RBFOX1: variants seen among roughly 807,000 people sequenced by gnomAD.
RBFOX1 encodes the protein RNA binding fox-1 homolog 1, also known as RNA binding protein fox-1 homolog 1.
In RBFOX1, 8 loss-of-function variants were observed where a neutral mutation model predicts 57.7. That is an observed-to-expected ratio of 0.14 (90% CI 0.08 to 0.25). The LOEUF (loss-of-function observed/expected upper bound fraction) is 0.25, where lower values mean the gene tolerates loss of function less well. Among genes scored for constraint, RBFOX1 ranks in the 10% least tolerant of loss-of-function variants. The pLI is 1.00. For synonymous variants in RBFOX1, 326 were observed against 222.4 expected, an observed-to-expected ratio of 1.47 and a Z score of -4.15; for missense variants, 611 against 548.5, an observed-to-expected ratio of 1.11 and a Z score of -1.14.
chr16:6,737,728 C>A (rs1217850556), intron 3 of RBFOX1, among the ~76,000 whole-genome samples: 1 of 152,056 alleles, frequency 6.6e-6, no homozygotes, highest in Admixed American at 6.6e-5. Flanking sequence ...TGTCTAGGTA[C>A]ACAAATGATA....
At chr16:5,721,189 G>A (rs902169804) in intron 3 of RBFOX1, among the ~76,000 whole-genome samples, 3 of 152,024 alleles carry the variant, frequency 2.0e-5, no homozygotes, top group African/African-American at 7.2e-5. Flanking sequence ...TTATTTTAAA[G>A]TTTAAGTTTA....
At chr16:7,237,143 A>C (rs544762311) in intron 4 of RBFOX1, among the ~76,000 whole-genome samples, 27 of 152,284 alleles carry the variant, frequency 1.8e-4, no homozygotes, top group African/African-American at 4.3e-4. Flanking sequence ...CGCCAACCCA[A>C]ATGTCATTGG....
intron 3 of RBFOX1, among the ~76,000 whole-genome samples, chr16:6,735,980 G>T (rs56408879): frequency 1 from 151,678 of 151,684 alleles, 75,836 homozygotes; most frequent in Middle Eastern, 1. Flanking sequence ...CTTCCCTACT[G>T]GGCCTGCTCA....
At chr16:5,549,141 C>T (rs192411850) in intron 2 of RBFOX1, among the ~76,000 whole-genome samples, 1 of 152,274 alleles carries the variant, frequency 6.6e-6, no homozygotes, top group Non-Finnish European at 1.5e-5. Context: ...CTTGCTTCCT[C>T]CCCTGCCTGA....
chr16:6,782,809 A>T, intron 3 of RBFOX1, among the ~76,000 whole-genome samples: 1 of 152,176 alleles, frequency 6.6e-6, no homozygotes, highest in African/African-American at 2.4e-5. Context: ...TTTTTGTCCA[A>T]TGCTGAAAGT....
At chr16:5,821,900 A>G (rs894546416) in intron 3 of RBFOX1, among the ~76,000 whole-genome samples, 2 of 152,212 alleles carry the variant, frequency 1.3e-5, no homozygotes, top group South Asian at 2.1e-4. Flanking sequence ...CGGAGCCTTC[A>G]TGGCCTGATC....
intron 2 of RBFOX1, among the ~76,000 whole-genome samples, chr16:6,478,411 ATATATATATATATATATATTTTT>A (rs1401926713): frequency 0.066 from 1,932 of 29,414 alleles, 98 homozygotes; most frequent in South Asian, 0.13. Flanking sequence ...ATATATATAT[ATATATATATATATATATATTTTT>A]TTTTTTTTTT....
chr16:5,807,365 A>G (rs1453254486), intron 3 of RBFOX1, among the ~76,000 whole-genome samples: 1 of 152,056 alleles, frequency 6.6e-6, no homozygotes, highest in African/African-American at 2.4e-5. Context: ...TCAGGATGCC[A>G]CAGGGCCAGG....
intron 1 of RBFOX1, among the ~76,000 whole-genome samples, chr16:6,148,833 C>G (rs2096777591): frequency 1.3e-5 from 2 of 152,146 alleles, no homozygotes; most frequent in African/African-American, 4.8e-5. Context: ...GTAGTTTCAT[C>G]TAATGTGGAG....
At position 5,500,407 on chromosome 16, in the gene RBFOX1, G is replaced by C. The variant is rs570639863; in HGVS notation, c.258+33153G>C. ...CTGGCTAATTCTTTAATTTTCTGTA[G>C]AGATGAAGTCTCCTTATGTTGCCCA... On this transcript the variant is annotated intron_variant, in intron 2 of 2. Transcript: ENST00000585867. Among the ~76,000 whole-genome samples the C allele has an allele frequency of 5.9e-5, 9 of 152,106 alleles. No individual in the cohort carries two copies. In the East Asian group the frequency reaches 1.7e-3, roughly 30 times the overall value.
At chr16:6,280,235 G>A (rs1363788411) in intron 1 of RBFOX1, among the ~76,000 whole-genome samples, 3 of 152,182 alleles carry the variant, frequency 2.0e-5, no homozygotes, top group African/African-American at 4.8e-5. Context: ...CGTGGCCTGA[G>A]TGGGATAAGC....
At chr16:6,905,989 G>C (rs2069791625) in intron 3 of RBFOX1, among the ~76,000 whole-genome samples, 1 of 152,200 alleles carries the variant, frequency 6.6e-6, no homozygotes, top group Non-Finnish European at 1.5e-5. Context: ...TCCTTCTGCA[G>C]CATTCTGAAG....
At chr16:7,684,192 T>TA (rs758401195) in intron 14 of RBFOX1, among the ~76,000 whole-genome samples, 8 of 152,132 alleles carry the variant, frequency 5.3e-5, no homozygotes, top group Non-Finnish European at 8.8e-5. Context: ...TACATGCATG[T>TA]AAGCAGTCAC....
intron 3 of RBFOX1, among the ~76,000 whole-genome samples, chr16:6,662,185 A>G (rs12446272): frequency 0.11 from 16,983 of 152,050 alleles, 1,157 homozygotes; most frequent in East Asian, 0.37. Flanking sequence ...CCTCATCATC[A>G]GATTAAGTTA....
intron 1 of RBFOX1, among the ~76,000 whole-genome samples, chr16:6,046,573 G>A (rs146770697): frequency 2.6e-5 from 4 of 152,116 alleles, no homozygotes; most frequent in Non-Finnish European, 5.9e-5. Context: ...CGTATTAAAT[G>A]AGTTCTCAAG....
At chr16:5,908,313 T>TAC (rs200672710) in intron 4 of RBFOX1, among the ~76,000 whole-genome samples, 85 of 141,326 alleles carry the variant, frequency 6.0e-4, no homozygotes, top group Admixed American at 1.2e-3. Flanking sequence ...CACACATATA[T>TAC]ACACACACAC....
At chr16:7,360,303 G>A (rs2097297110) in intron 4 of RBFOX1, among the ~76,000 whole-genome samples, 1 of 152,140 alleles carries the variant, frequency 6.6e-6, no homozygotes, top group South Asian at 2.1e-4. Context: ...TCACATGTTA[G>A]CCAAACTGTG....
intron 4 of RBFOX1, among the ~76,000 whole-genome samples, chr16:7,061,069 A>T (rs1381895983): frequency 6.6e-6 from 1 of 151,808 alleles, no homozygotes; most frequent in African/African-American, 2.4e-5. Context: ...CAAGGAAAAA[A>T]CTGGCAGAAG....
At chr16:6,046,618 G>T (rs200885289) in intron 1 of RBFOX1, among the ~76,000 whole-genome samples, 2 of 152,082 alleles carry the variant, frequency 1.3e-5, no homozygotes, top group South Asian at 4.2e-4. Context: ...GAATATTGGG[G>T]TTTGAAGAAA....
Sources: allele counts gnomAD v4.1 joint callset (sites outside exome capture counted in the v4.1 genomes callset), GRCh38; gene constraint gnomAD v4.1.1; transcripts MANE v1.5; gene names NCBI Gene and HGNC (gene_info 2026-07-23, HGNC 2026-07-21).